The following NHSL3 variants were observed in gnomAD, a reference collection of about 807,000 sequenced individuals.
NHSL3 encodes NHS like 3.
chr1:32,752,934 CACACACACACACACACATATAT>C, the NHSL3 span, among the ~76,000 whole-genome samples: 110 of 9,606 alleles, frequency 0.011, 4 homozygotes, highest in African/African-American at 0.021. Flanking sequence ...CACACACACA[CACACACACACACACACATATAT>C]ATATATATAT....
chr1:32,744,003 T>C, the NHSL3 span, among the ~76,000 whole-genome samples: 4 of 152,208 alleles, frequency 2.6e-5, no homozygotes, highest in African/African-American at 9.6e-5. Context: ...CAACTTCTTT[T>C]CTGTTTATTA....
chr1:32,755,635 G>A, the NHSL3 span, among the ~76,000 whole-genome samples: 1 of 152,188 alleles, frequency 6.6e-6, no homozygotes, highest in Non-Finnish European at 1.5e-5. Context: ...CATGGATGAC[G>A]AGACTGAGGT....
the NHSL3 span, chr1:32,768,689 T>C: frequency 2.5e-6 from 4 of 1,614,126 alleles, no homozygotes; most frequent in Non-Finnish European, 3.4e-6. Context: ...AACATCTCCT[T>C]CTGCAGTCAG....
chr1:32,743,392 C>T, the NHSL3 span, among the ~76,000 whole-genome samples: 4 of 152,042 alleles, frequency 2.6e-5, no homozygotes, highest in African/African-American at 9.7e-5. Context: ...GCCCTGCTTC[C>T]CTGCGGCACA....
At chr1:32,746,240 AAAAAAAAC>A in the NHSL3 span, among the ~76,000 whole-genome samples, 1 of 109,314 alleles carries the variant, frequency 9.1e-6, no homozygotes, top group Admixed American at 1.2e-4. Flanking sequence ...CAAAAAAAAA[AAAAAAAAC>A]AAAAAAGAAC....
At chr1:32,748,462 C>T in the NHSL3 span, among the ~76,000 whole-genome samples, 1 of 152,160 alleles carries the variant, frequency 6.6e-6, no homozygotes, top group Non-Finnish European at 1.5e-5. Context: ...CGTCAGTCAA[C>T]ACTCCCATGT....
chr1:32,755,983 G>C, the NHSL3 span, among the ~76,000 whole-genome samples: 1 of 152,198 alleles, frequency 6.6e-6, no homozygotes, highest in African/African-American at 2.4e-5. Flanking sequence ...ATGGAGGAGA[G>C]AGAAGATAAG....
At chr1:32,759,926 A>G in the NHSL3 span, among the ~76,000 whole-genome samples, 1 of 152,250 alleles carries the variant, frequency 6.6e-6, no homozygotes, top group Non-Finnish European at 1.5e-5. Context: ...TCTGCGAGAC[A>G]GTAGAAGAGA....
the NHSL3 span, among the ~76,000 whole-genome samples, chr1:32,744,797 T>A: frequency 6.6e-6 from 1 of 152,182 alleles, no homozygotes; most frequent in Non-Finnish European, 1.5e-5. Flanking sequence ...GTGACCTTTC[T>A]GTCTCACCAA....
the NHSL3 span, chr1:32,770,091 C>T: frequency 1.9e-6 from 3 of 1,556,290 alleles, no homozygotes; most frequent in Non-Finnish European, 2.6e-6. The surrounding 1 kb of genome is among the most constrained non-coding windows in gnomAD (Gnocchi z 8.3). Context: ...GGGATGACAC[C>T]TTTGTTGGCC....
the NHSL3 span, chr1:32,769,740 G>T: frequency 1.2e-6 from 2 of 1,613,998 alleles, no homozygotes; most frequent in Non-Finnish European, 1.7e-6. Context: ...GGCGGGAGCG[G>T]CGGAGCACTG....
the NHSL3 span, chr1:32,771,228 T>TGCCCCTGCTCTAGCC: frequency 1.9e-6 from 3 of 1,610,980 alleles, no homozygotes; most frequent in South Asian, 3.3e-5. Context: ...CTAACCCAGC[T>TGCCCCTGCTCTAGCC]GCCCCTGCTC....
At chr1:32,771,324 T>C in the NHSL3 span, 1 of 1,595,002 alleles carries the variant, frequency 6.3e-7, no homozygotes, top group South Asian at 1.1e-5. Context: ...CAACCTTGAC[T>C]CCACTGCAGG....
chr1:32,771,342 TG>T, the NHSL3 span: 1 of 1,593,792 alleles, frequency 6.3e-7, no homozygotes, highest in Non-Finnish European at 8.6e-7. Flanking sequence ...AGGAGTCTCC[TG>T]TCATCTCCAA....
the NHSL3 span, chr1:32,774,183 C>T: frequency 6.5e-6 from 1 of 152,688 alleles, no homozygotes; most frequent in Non-Finnish European, 1.5e-5. Flanking sequence ...GCCACCGCTT[C>T]TTTCTTGATC....
chr1:32,742,179 C>A, the NHSL3 span: 1 of 1,248,362 alleles, frequency 8.0e-7, no homozygotes, highest in African/African-American at 1.6e-5. Context: ...GGGCCAAGGG[C>A]AAAGGCCGAG....
At chr1:32,759,012 TGAA>T in the NHSL3 span, among the ~76,000 whole-genome samples, 1 of 152,176 alleles carries the variant, frequency 6.6e-6, no homozygotes, top group South Asian at 2.1e-4. Context: ...ACTTGAGATT[TGAA>T]GAGAGCTGGA....
chr1:32,758,519 G>C, the NHSL3 span, among the ~76,000 whole-genome samples: 1 of 152,092 alleles, frequency 6.6e-6, no homozygotes. Flanking sequence ...CCCCTTTCTT[G>C]TGGGGAGACT....
At chr1:32,745,352 G>T in the NHSL3 span, among the ~76,000 whole-genome samples, 1 of 151,518 alleles carries the variant, frequency 6.6e-6, no homozygotes, top group South Asian at 2.1e-4. Flanking sequence ...GAGGTCGCGA[G>T]TTTAAGACCA....
Sources: allele counts gnomAD v4.1 joint callset (sites outside exome capture counted in the v4.1 genomes callset), GRCh38; gene constraint gnomAD v4.1.1; non-coding constraint Gnocchi (gnomAD v3.1); transcripts MANE v1.5; gene names NCBI Gene and HGNC (gene_info 2026-07-23, HGNC 2026-07-21).